Variants in TRHDE observed in about 807,000 individuals in gnomAD.
TRHDE encodes thyrotropin releasing hormone degrading enzyme, also known as thyrotropin-releasing hormone-degrading ectoenzyme.
A neutral mutation model predicts 125.7 loss-of-function variants in TRHDE; 72 were observed. That is an observed-to-expected ratio of 0.57 (90% confidence interval 0.47 to 0.70). TRHDE has a LOEUF of 0.70. Ranked by LOEUF, TRHDE falls within the 30% of genes least tolerant of loss-of-function variation. The pLI is 0.00. For synonymous variants in TRHDE, 509 were observed against 509.1 expected (o/e 1.00, Z 0.00); for missense variants, 1,110 against 1,327.1 (o/e 0.84, Z 2.54).
intron 3 of TRHDE, among the ~76,000 whole-genome samples, chr12:72,458,076 G>A (rs1402210188): frequency 2.0e-5 from 3 of 152,132 alleles, no homozygotes; most frequent in Admixed American, 2.0e-4. Context: ...AGCCGATTAT[G>A]AGAACCCCTA....
chr12:72,304,835 C>A (rs1417206470), intron 2 of TRHDE, among the ~76,000 whole-genome samples: 2 of 152,248 alleles, frequency 1.3e-5, no homozygotes, highest in East Asian at 3.9e-4. Context: ...TTTCTCCAGG[C>A]TATGATTGAC....
intron 2 of TRHDE, among the ~76,000 whole-genome samples, chr12:72,352,848 C>G (rs926602203): frequency 2.0e-5 from 3 of 151,504 alleles, no homozygotes; most frequent in Admixed American, 1.3e-4. Flanking sequence ...GAAAATTATA[C>G]TGTTTGGGCA....
exon 1 of TRHDE, chr12:72,087,318 A>C (rs146277767): frequency 0.016 from 2,481 of 152,232 alleles, 35 homozygotes; most frequent in Middle Eastern, 0.037. Context: ...GTCCATATAA[A>C]CTTGCTTACC....
intron 2 of TRHDE, chr12:72,140,259 T>C (rs1463550992): frequency 2.0e-5 from 3 of 152,250 alleles, no homozygotes; most frequent in Admixed American, 6.5e-5. Context: ...ACAACAACCT[T>C]GGACCCCACA....
chr12:72,277,946 A>T (rs1037943151), intron 1 of TRHDE, among the ~76,000 whole-genome samples: 27 of 152,178 alleles, frequency 1.8e-4, no homozygotes, highest in Non-Finnish European at 3.5e-4. Flanking sequence ...TTTTGTGGTG[A>T]GAATGTTTAA....
At chr12:72,546,034 T>G (rs1869399785) in intron 7 of TRHDE, among the ~76,000 whole-genome samples, 1 of 151,614 alleles carries the variant, frequency 6.6e-6, no homozygotes, top group South Asian at 2.1e-4. Flanking sequence ...CAAGGGGAAT[T>G]TACTTTTTCA....
At chr12:72,449,607 A>G (rs1400908477) in intron 3 of TRHDE, among the ~76,000 whole-genome samples, 1 of 151,786 alleles carries the variant, frequency 6.6e-6, no homozygotes, top group African/African-American at 2.4e-5. Flanking sequence ...ACTATTTTTG[A>G]TTTATTGTAG....
At chr12:72,484,418 A>T (rs374588393) in intron 5 of TRHDE, among the ~76,000 whole-genome samples, 1 of 152,186 alleles carries the variant, frequency 6.6e-6, no homozygotes, top group African/African-American at 2.4e-5. Context: ...CATTTTCTAG[A>T]AGAATGGGAA....
At chr12:72,417,238 A>G (rs1341786121) in intron 3 of TRHDE, among the ~76,000 whole-genome samples, 2 of 152,010 alleles carry the variant, frequency 1.3e-5, no homozygotes, top group Non-Finnish European at 1.5e-5. Flanking sequence ...ATTAACCTTT[A>G]AATGACAAGT....
rs149575425 is a variant in TRHDE, at chr12:72,477,277, C to G, written c.1584+4097C>G. ...GTATAGATAAGCTAACATTTCCAAC[C>G]CTAGTAATCCATTTTGGCTTCTTAG... On this transcript the variant is annotated intron_variant, in intron 5 of 18. Transcript: ENST00000261180. 6.5e-3 allele frequency among the ~76,000 whole-genome samples: 990 copies of G among 152,184 alleles called. 3 individuals are homozygous for G. Among genetic ancestry groups the G allele is most frequent in the Middle Eastern group, 0.02 (6 of 294 alleles).
At chr12:72,116,994 C>A (rs565414267) in intron 2 of TRHDE, among the ~76,000 whole-genome samples, 1 of 152,152 alleles carries the variant, frequency 6.6e-6, no homozygotes, top group African/African-American at 2.4e-5. Context: ...GGTTATTAAT[C>A]CCCTGTCTGA....
intron 12 of TRHDE, among the ~76,000 whole-genome samples, chr12:72,590,411 T>G (rs1383140854): frequency 6.6e-6 from 1 of 152,074 alleles, no homozygotes; most frequent in Non-Finnish European, 1.5e-5. Context: ...TTGACTAGTA[T>G]TATAAACTGA....
intron 17 of TRHDE, among the ~76,000 whole-genome samples, chr12:72,655,807 AAATGATCACTTACATTAT>A (rs1874687440): frequency 6.6e-6 from 1 of 152,226 alleles, no homozygotes; most frequent in South Asian, 2.1e-4. Flanking sequence ...TACTGATTGA[AAATGATCACTTACATTAT>A]TATTGAATGC....
chr12:72,396,052 A>G lies in TRHDE; in HGVS notation c.1315+17931A>G, dbSNP rs573491714. Reference sequence around the variant, plus strand: ...ATTTTCTGTACACTTATAGAGGCCAATTCCTCCAAAATGGTCTTGACCCTA... The same window carrying G: ...ATTTTCTGTACACTTATAGAGGCCAGTTCCTCCAAAATGGTCTTGACCCTA... On this transcript the variant is annotated intron_variant, in intron 3 of 18. Transcript: ENST00000261180. Among the ~76,000 whole-genome samples the G allele has an allele frequency of 5.3e-5, 8 of 152,234 alleles. No individual in the cohort carries two copies. The South Asian group carries it at 6.2e-4, about 12-fold the overall frequency.
intron 2 of TRHDE, among the ~76,000 whole-genome samples, chr12:72,154,507 T>A (rs1469533018): frequency 6.6e-6 from 1 of 152,262 alleles, no homozygotes; most frequent in Non-Finnish European, 1.5e-5. Flanking sequence ...CTTTACAATT[T>A]GGCATGTTTT....
chr12:72,578,285 G>A (rs1871090531), intron 12 of TRHDE, among the ~76,000 whole-genome samples: 1 of 152,146 alleles, frequency 6.6e-6, no homozygotes, highest in South Asian at 2.1e-4. Context: ...GAGAGGTTAA[G>A]TTGCTTAGGT....
chr12:72,354,812 A>G (rs887833968), intron 2 of TRHDE, among the ~76,000 whole-genome samples: 2 of 151,134 alleles, frequency 1.3e-5, no homozygotes, highest in Non-Finnish European at 3.0e-5. Context: ...TGTAGGCACT[A>G]CGCCAATTGT....
At chr12:72,359,982 G>A (rs1363987559) in intron 2 of TRHDE, among the ~76,000 whole-genome samples, 1 of 151,606 alleles carries the variant, frequency 6.6e-6, no homozygotes, top group Non-Finnish European at 1.5e-5. Flanking sequence ...TGCGAGAAGG[G>A]CATTATAAGT....
At chr12:72,306,815 T>A (rs2135694331) in intron 2 of TRHDE, 1 of 151,522 alleles carries the variant, frequency 6.6e-6, no homozygotes, top group Admixed American at 6.6e-5. Flanking sequence ...AAAAGTGAAG[T>A]GGGGTAAAGG....
Sources: gnomAD v4.1 joint callset for allele counts (sites outside exome capture counted in the v4.1 genomes callset) on GRCh38, gnomAD v4.1.1 for gene constraint, MANE v1.5 for transcripts, NCBI Gene and HGNC (gene_info 2026-07-23, HGNC 2026-07-21) for gene names.